Variants in GALNT11 observed in about 807,000 individuals in gnomAD.
GALNT11 encodes the protein polypeptide N-acetylgalactosaminyltransferase 11, also known as UDP-GalNAc:polypeptide N-acetylgalactosaminyltransferase 11.
In GALNT11, 47 loss-of-function variants were observed where a neutral mutation model predicts 72.7. The observed-to-expected ratio is 0.65, with a 90% CI of 0.51 to 0.82. GALNT11 has a LOEUF of 0.82. GALNT11 is among the 40% of genes least tolerant of loss of function. The pLI is 0.00. For synonymous variants in GALNT11, 270 were observed against 286.6 expected (o/e 0.94, Z 0.58); for missense variants, 677 against 778.4 (o/e 0.87, Z 1.55).
At chr7:152,050,839 A>G (rs2083358417) in intron 1 of GALNT11, among the ~76,000 whole-genome samples, 1 of 152,176 alleles carries the variant, frequency 6.6e-6, no homozygotes, top group Non-Finnish European at 1.5e-5. Context: ...TACAGCTCTA[A>G]ATGCTTCCTC....
chr7:152,113,790 G>A lies in GALNT11; in HGVS notation c.1233+392G>A, dbSNP rs535701903. On this transcript the variant is annotated intron_variant, in intron 8 of 11. Coordinates refer to ENST00000430044, the MANE Select transcript of GALNT11 (RefSeq NM_022087.4). ...CTTGCTTTGTCACCCAGGCAGGAGT[G>A]CAGTGGTGTGATCACGGCTCACTGC... Among the ~76,000 whole-genome samples, 14 of 133,342 alleles carry A rather than the reference G, an allele frequency of 1.0e-4. No homozygotes were observed. In the East Asian group the frequency reaches 2.5e-3, roughly 24 times the overall value. 87.5% of individuals were successfully genotyped at this position (133,342 alleles called of 152,430 possible). A position where few individuals can be genotyped will look rare whatever the true frequency, so the allele number is the denominator to read the frequency against.
chr7:152,036,022 G>A (rs778344458), intron 1 of GALNT11, among the ~76,000 whole-genome samples: 7 of 152,114 alleles, frequency 4.6e-5, no homozygotes, highest in Non-Finnish European at 8.8e-5. Context: ...CTGTCCTTGC[G>A]CATTTGGACT....
At chr7:152,064,296 T>C (rs1255457310) in intron 1 of GALNT11, among the ~76,000 whole-genome samples, 1 of 152,230 alleles carries the variant, frequency 6.6e-6, no homozygotes, top group African/African-American at 2.4e-5. Flanking sequence ...TTTTTTGTTT[T>C]CCATTTGCTT....
intron 1 of GALNT11, among the ~76,000 whole-genome samples, chr7:152,086,789 T>C (rs2085676281): frequency 6.6e-6 from 1 of 152,252 alleles, no homozygotes; most frequent in Admixed American, 6.5e-5. Flanking sequence ...TTAGTCTGCC[T>C]GTTTTTATCA....
At chr7:152,044,988 C>T (rs183606907) in intron 1 of GALNT11, among the ~76,000 whole-genome samples, 1 of 152,086 alleles carries the variant, frequency 6.6e-6, no homozygotes, top group African/African-American at 2.4e-5. Context: ...AGGTTTTTAT[C>T]ATGAAAGGAT....
intron 1 of GALNT11, among the ~76,000 whole-genome samples, chr7:152,043,392 G>A (rs1322016064): frequency 2.0e-5 from 3 of 152,230 alleles, no homozygotes; most frequent in Non-Finnish European, 2.9e-5. Context: ...CGGCTGTGGC[G>A]GGGGACAGAC....
At chr7:152,047,687 C>CGTGTGCGTGTGTGTGT (rs1554418390) in intron 1 of GALNT11, among the ~76,000 whole-genome samples, 1 of 147,048 alleles carries the variant, frequency 6.8e-6, no homozygotes, top group African/African-American at 2.5e-5. Flanking sequence ...ACAGTGACAC[C>CGTGTGCGTGTGTGTGT]GTGTGTGTGT....
chr7:152,032,851 C>A (rs148032438), intron 1 of GALNT11, among the ~76,000 whole-genome samples: 1 of 152,066 alleles, frequency 6.6e-6, no homozygotes, highest in Admixed American at 6.5e-5. Flanking sequence ...GACTTTCAGG[C>A]GTGACAAGAA....
intron 4 of GALNT11, chr7:152,104,453 A>C (rs899307149): frequency 1.8e-4 from 27 of 152,242 alleles, no homozygotes; most frequent in African/African-American, 6.5e-4. Flanking sequence ...AACCTTGGCC[A>C]AAAACAAACA....
intron 6 of GALNT11, 147 bp downstream of exon 6, chr7:152,108,434 A>G (rs2087822359): frequency 3.2e-6 from 4 of 1,235,654 alleles, no homozygotes; most frequent in Non-Finnish European, 4.4e-6. Context: ...TACGTATTGA[A>G]TTTTATGCAG....
chr7:152,045,131 A>C (rs2083056789), intron 1 of GALNT11, among the ~76,000 whole-genome samples: 1 of 152,064 alleles, frequency 6.6e-6, no homozygotes, highest in Non-Finnish European at 1.5e-5. Context: ...CCTGGGATAA[A>C]TCCCACTTAG....
At chr7:152,106,356 C>T (rs1217331555) in intron 5 of GALNT11, among the ~76,000 whole-genome samples, 1 of 152,218 alleles carries the variant, frequency 6.6e-6, no homozygotes, top group Non-Finnish European at 1.5e-5. Context: ...CCTGTGGAGC[C>T]ACTGGCTCGT....
At chr7:152,055,010 T>C (rs998236662) in intron 1 of GALNT11, among the ~76,000 whole-genome samples, 1 of 152,202 alleles carries the variant, frequency 6.6e-6, no homozygotes, top group African/African-American at 2.4e-5. Flanking sequence ...ATCTGAAATC[T>C]GTGGAGCAGG....
At chr7:152,102,339 C>T (rs1295149840) in intron 3 of GALNT11, among the ~76,000 whole-genome samples, 1 of 151,850 alleles carries the variant, frequency 6.6e-6, no homozygotes, top group Non-Finnish European at 1.5e-5. Context: ...GTCAGGAGAT[C>T]GAGACCATCC....
chr7:152,038,128 T>C (rs934585750), intron 1 of GALNT11, among the ~76,000 whole-genome samples: 2 of 152,162 alleles, frequency 1.3e-5, no homozygotes, highest in Non-Finnish European at 1.5e-5. Flanking sequence ...GATCATTCAC[T>C]GCCGAGACCA....
chr7:152,086,213 C>T (rs1235824871), intron 1 of GALNT11, among the ~76,000 whole-genome samples: 1 of 151,688 alleles, frequency 6.6e-6, no homozygotes, highest in African/African-American at 2.4e-5. Flanking sequence ...TAAGTTGAGA[C>T]GGGGTTTTAC....
At chr7:152,059,781 C>T (rs1411750147) in intron 1 of GALNT11, among the ~76,000 whole-genome samples, 2 of 152,140 alleles carry the variant, frequency 1.3e-5, no homozygotes, top group Non-Finnish European at 1.5e-5. Flanking sequence ...TTTGTTGTTC[C>T]ATTTCTAGAG....
chr7:152,081,106 A>G (rs1040678037), intron 1 of GALNT11, among the ~76,000 whole-genome samples: 5 of 152,330 alleles, frequency 3.3e-5, no homozygotes, highest in South Asian at 2.1e-4. Flanking sequence ...TCATTAAATC[A>G]TTCAGAAATG....
intron 1 of GALNT11, among the ~76,000 whole-genome samples, chr7:152,061,048 C>G (rs2083982657): frequency 6.6e-6 from 1 of 152,188 alleles, no homozygotes; most frequent in Non-Finnish European, 1.5e-5. Flanking sequence ...GGAATCACCA[C>G]ACTGTCTTCC....
Sources: gnomAD v4.1 joint callset for allele counts (sites outside exome capture counted in the v4.1 genomes callset) on GRCh38, gnomAD v4.1.1 for gene constraint, MANE v1.5 for transcripts, NCBI Gene and HGNC (gene_info 2026-07-23, HGNC 2026-07-21) for gene names.